Variants in DENND4A observed in about 807,000 individuals in gnomAD.
The protein encoded by DENND4A is C-myc promoter-binding protein.
Under a neutral mutation model 199.3 loss-of-function variants are expected in DENND4A, and 70 were observed. The observed-to-expected ratio is 0.35, with a 90% CI of 0.29 to 0.43. The LOEUF (loss-of-function observed/expected upper bound fraction) is 0.43, where lower values mean the gene tolerates loss of function less well. Among genes scored for constraint, DENND4A ranks in the 20% least tolerant of loss-of-function variants. The pLI is 1.00. For missense variants in DENND4A, 1,723 were observed against 2,255.8 expected, an observed-to-expected ratio of 0.76 and a Z score of 4.78; for synonymous variants, 686 against 766.9, an observed-to-expected ratio of 0.89 and a Z score of 1.74.
intron 14 of DENND4A, among the ~76,000 whole-genome samples, chr15:65,707,746 T>A (rs970553516): frequency 6.6e-6 from 1 of 151,486 alleles, no homozygotes; most frequent in Non-Finnish European, 1.5e-5. Context: ...GAGTGCATGG[T>A]GCAATTTTGG....
chr15:65,715,360 C>T (rs955417155), intron 14 of DENND4A, 118 bp downstream of exon 14: 23 of 1,023,700 alleles, frequency 2.2e-5, no homozygotes, highest in East Asian at 6.0e-5. Flanking sequence ...AAGTGGTCAA[C>T]GATGAAAATG....
chr15:65,741,825 G>T, intron 4 of DENND4A, 41 bp from the exon 5 acceptor site: 1 of 1,509,360 alleles, frequency 6.6e-7, no homozygotes, highest in Non-Finnish European at 9.1e-7. Flanking sequence ...ATTTTTAAAA[G>T]GTAGGAACTT....
At chr15:65,665,190 A>C (rs1218837185) in intron 30 of DENND4A, 155 bp downstream of exon 30, 23 of 560,950 alleles carry the variant, frequency 4.1e-5, no homozygotes, top group South Asian at 1.3e-4. Context: ...AAAAAAATCA[A>C]ACACTCACTC....
At chr15:65,746,367 C>CTTTTTTT (rs2076391530) in intron 4 of DENND4A, among the ~76,000 whole-genome samples, 2 of 71,042 alleles carry the variant, frequency 2.8e-5, no homozygotes, top group South Asian at 4.7e-4. Context: ...CTACTTTTTT[C>CTTTTTTT]TCTTTTTTTT....
chr15:65,771,201 G>A (rs540065674), intron 1 of DENND4A: 70 of 1,606,874 alleles, frequency 4.4e-5, no homozygotes, highest in Middle Eastern at 2.3e-4. Flanking sequence ...CCGGTAAGCC[G>A]CTCTAATTCT....
chr15:65,742,365 T>A (rs893532954), intron 4 of DENND4A, among the ~76,000 whole-genome samples: 3 of 151,996 alleles, frequency 2.0e-5, no homozygotes, highest in Non-Finnish European at 2.9e-5. Context: ...CTCACTGCAA[T>A]CTCTGCCTCC....
At chr15:65,757,401 G>A (rs1407916561) in intron 2 of DENND4A, among the ~76,000 whole-genome samples, 2 of 152,010 alleles carry the variant, frequency 1.3e-5, no homozygotes, top group Non-Finnish European at 2.9e-5. Context: ...GTTTTAGAAG[G>A]CATTAAAAGC....
intron 32 of DENND4A, among the ~76,000 whole-genome samples, chr15:65,663,189 TATA>T (rs2075913183): frequency 8.0e-6 from 1 of 125,006 alleles, no homozygotes; most frequent in African/African-American, 3.4e-5. Flanking sequence ...TATATATATA[TATA>T]TATATATTTT....
chr15:65,748,929 G>T (rs12913055), intron 4 of DENND4A, among the ~76,000 whole-genome samples: 29,737 of 149,876 alleles, frequency 0.2, 3,947 homozygotes, highest in East Asian at 0.74. Context: ...AGAGGTCGAG[G>T]CTACAATGAG....
intron 1 of DENND4A, among the ~76,000 whole-genome samples, chr15:65,768,057 A>C (rs551278411): frequency 1.1e-4 from 17 of 152,322 alleles, no homozygotes; most frequent in African/African-American, 3.8e-4. Flanking sequence ...ACCTCAAATC[A>C]GTGTGGAGTG....
intron 13 of DENND4A, 89 bp from the exon 14 acceptor site, chr15:65,715,712 T>C (rs559868562): frequency 3.1e-6 from 4 of 1,290,778 alleles, no homozygotes; most frequent in East Asian, 5.3e-5. Context: ...TGAACAACCA[T>C]GTCATCTATA....
intron 20 of DENND4A, among the ~76,000 whole-genome samples, chr15:65,699,758 C>T (rs1567019948): frequency 6.6e-6 from 1 of 150,534 alleles, no homozygotes; most frequent in Non-Finnish European, 1.5e-5. Flanking sequence ...TGGCTCACTG[C>T]AGCCTCAACC....
intron 1 of DENND4A, among the ~76,000 whole-genome samples, chr15:65,764,840 G>A (rs2076938814): frequency 6.6e-6 from 1 of 151,600 alleles, no homozygotes; most frequent in Non-Finnish European, 1.5e-5. Context: ...GGGTGTGGTA[G>A]TGTGCACTAT....
intron 11 of DENND4A, chr15:65,727,806 A>T: frequency 2.5e-6 from 1 of 396,956 alleles, no homozygotes; most frequent in Non-Finnish European, 4.8e-6. Context: ...AAAATAAGGG[A>T]CACAAAACAA....
Position 65,717,907 on chromosome 15 carries a change from A to T in DENND4A, c.1678T>A (p.Leu560Met). The T allele has an allele frequency of 6.2e-7, 1 of 1,608,962 alleles. No homozygotes were observed. Among genetic ancestry groups the T allele is most frequent in the Non-Finnish European group, 8.5e-7 (1 of 1,177,348 alleles). Residue 560 changes from leucine (L) to methionine (M), a missense_variant, in exon 13 of 33, where the codon TTG becomes ATG. Coordinates refer to ENST00000443035, the MANE Select transcript of DENND4A (RefSeq NM_001320835.1). ...AACAAAAATGCCTCTTGGATTTCCA[A>T]ATCTATCATGTGCAACCTCTTTCCA... ...NSGKRLHMIDLEIQEAFLFFM... is the reference protein window; with the variant it reads ...NSGKRLHMIDMEIQEAFLFFM...
At chr15:65,744,504 G>A (rs1216923691) in intron 4 of DENND4A, among the ~76,000 whole-genome samples, 2 of 152,026 alleles carry the variant, frequency 1.3e-5, no homozygotes, top group Non-Finnish European at 2.9e-5. Flanking sequence ...TCTTATCAGA[G>A]AGTCTTCCTT....
intron 1 of DENND4A, among the ~76,000 whole-genome samples, chr15:65,765,589 CCA>C (rs2076964829): frequency 6.6e-6 from 1 of 152,148 alleles, no homozygotes; most frequent in South Asian, 2.1e-4. Flanking sequence ...CCTGATTTCC[CCA>C]GTTTTATTTG....
chr15:65,699,327 A>G (rs2077266041), intron 20 of DENND4A, among the ~76,000 whole-genome samples: 1 of 152,070 alleles, frequency 6.6e-6, no homozygotes, highest in Admixed American at 6.6e-5. Context: ...GTCCTTTAAG[A>G]GTTTGCTCTT....
rs77421887 is a variant in DENND4A, at chr15:65,706,447, AACACACACACAC to A, written c.1954-235_1954-224del. Reference sequence around the variant, plus strand: ...CTTTTGAATAAGAAAAGGGGAAAATAACACACACACACACACACACACACACACACACACACA... The same window carrying A: ...CTTTTGAATAAGAAAAGGGGAAAATAACACACACACACACACACACACACA... On this transcript the variant is annotated intron_variant, in intron 14 of 32. Coordinates refer to ENST00000443035, the MANE Select transcript of DENND4A (RefSeq NM_001320835.1). 9.2e-3 allele frequency among the ~76,000 whole-genome samples: 1,202 copies of A among 130,294 alleles called. 22 individuals are homozygous for A. The highest frequency in any genetic ancestry group is 0.061 in the East Asian group (279 of 4,610). The allele number at this position is 130,294 out of a possible 152,430, so 85.5% of individuals were successfully genotyped here. A position where few individuals can be genotyped will look rare whatever the true frequency, so the allele number is the denominator to read the frequency against.
Sources: gnomAD v4.1 joint callset for allele counts (sites outside exome capture counted in the v4.1 genomes callset) on GRCh38, gnomAD v4.1.1 for gene constraint, MANE v1.5 for transcripts, NCBI Gene and HGNC (gene_info 2026-07-23, HGNC 2026-07-21) for gene names.